Variants in PTPRN2 observed in about 807,000 individuals in gnomAD.
PTPRN2 encodes protein tyrosine phosphatase receptor type N2, also known as receptor-type tyrosine-protein phosphatase N2.
In PTPRN2, 74 loss-of-function variants were observed where a neutral mutation model predicts 118.8. That is an observed-to-expected ratio of 0.62 (90% CI 0.52 to 0.76). The LOEUF (loss-of-function observed/expected upper bound fraction) is 0.76, where lower values mean the gene tolerates loss of function less well. PTPRN2 is among the 30% of genes least tolerant of loss of function. The probability of loss-of-function intolerance (pLI) is 0.00; values close to 1 mark genes in which losing one functional copy is unlikely to be tolerated. For synonymous variants in PTPRN2, 641 were observed against 608.0 expected, an observed-to-expected ratio of 1.05 and a Z score of -0.80; for missense variants, 1,481 against 1,394.4, an observed-to-expected ratio of 1.06 and a Z score of -0.99.
At chr7:158,393,614 G>A (rs1812110632) in intron 2 of PTPRN2, among the ~76,000 whole-genome samples, 1 of 152,188 alleles carries the variant, frequency 6.6e-6, no homozygotes, top group Admixed American at 6.5e-5. Flanking sequence ...TTTTGGAAGT[G>A]GAAGTCATCT....
chr7:158,479,502 G>C (rs1000727719), intron 2 of PTPRN2, among the ~76,000 whole-genome samples: 7 of 152,196 alleles, frequency 4.6e-5, no homozygotes, highest in African/African-American at 1.7e-4. Context: ...AGCTCCTGCT[G>C]TGATCTGGGG....
chr7:158,071,407 A>T (rs1201367386), intron 11 of PTPRN2, among the ~76,000 whole-genome samples: 3 of 44,302 alleles, frequency 6.8e-5, no homozygotes, highest in Non-Finnish European at 1.3e-4. Context: ...CTCGTGGTGG[A>T]GTTGCTCCTG....
chr7:158,357,742 G>A (rs1346687332), intron 2 of PTPRN2, among the ~76,000 whole-genome samples: 2 of 152,234 alleles, frequency 1.3e-5, no homozygotes, highest in African/African-American at 4.8e-5. Context: ...ACCATTCCGG[G>A]GAGAAAGAAG....
At chr7:158,125,075 G>A (rs1189366245) in intron 9 of PTPRN2, among the ~76,000 whole-genome samples, 2 of 152,200 alleles carry the variant, frequency 1.3e-5, no homozygotes, top group Non-Finnish European at 2.9e-5. Flanking sequence ...AGGGAGCCGG[G>A]TGGGGCACAG....
intron 2 of PTPRN2, among the ~76,000 whole-genome samples, chr7:158,336,382 C>A (rs1334289348): frequency 1.4e-5 from 2 of 142,274 alleles, no homozygotes; most frequent in South Asian, 4.7e-4. Context: ...CTGACACATG[C>A]AGACGTCACT....
chr7:157,941,828 C>T lies in PTPRN2; in HGVS notation c.1724-43091G>A, dbSNP rs1292582346. On this transcript the variant is annotated intron_variant, in intron 11 of 22. Coordinates refer to ENST00000389418, the MANE Select transcript of PTPRN2 (RefSeq NM_002847.5). ...CCCAGAGGCCTCTGCCCACCTTCAC[C>T]ACCTAATCTCCATGCTCAAGCCTCA... Among the ~76,000 whole-genome samples the T allele has an allele frequency of 2.6e-5, 4 of 152,148 alleles. No homozygotes were observed. In the East Asian group the frequency reaches 7.7e-4, roughly 29 times the overall value.
rs754785802 is a variant in PTPRN2 at position 157,764,902 on chromosome 7, CCCAT to C, written c.1789-81969_1789-81966del. Among the ~76,000 whole-genome samples the C allele has an allele frequency of 2.2e-4, 33 of 151,392 alleles. 1 individual carries two copies. Among genetic ancestry groups the C allele is most frequent in the Non-Finnish European group, 3.4e-4 (23 of 67,760 alleles). ...CATCCTTCATCCACCCATCCATCTA[CCCAT>C]CCATCCATCCATTGATCCATCCATA... On this transcript the variant is annotated intron_variant, in intron 12 of 22. Coordinates refer to ENST00000389418, the MANE Select transcript of PTPRN2 (RefSeq NM_002847.5). This position sits in a 1 kb window ranked among gnomAD's most constrained non-coding sequence, Gnocchi z 4.5.
intron 11 of PTPRN2, among the ~76,000 whole-genome samples, chr7:157,943,560 C>A (rs1042719271): frequency 6.6e-6 from 1 of 151,984 alleles, no homozygotes; most frequent in African/African-American, 2.4e-5. Context: ...AAGACACCCA[C>A]CCCAGATGCC....
At chr7:158,164,848 G>A (rs529672455) in intron 6 of PTPRN2, among the ~76,000 whole-genome samples, 2 of 152,172 alleles carry the variant, frequency 1.3e-5, no homozygotes, top group Non-Finnish European at 2.9e-5. Flanking sequence ...GGGCAAGGAA[G>A]GCTGAGATGA....
In PTPRN2 at chr7:157,874,886, GAC is replaced by G. The variant is rs1367396773; in HGVS notation, c.1788+23785_1788+23786del. On this transcript the variant is annotated intron_variant, in intron 12 of 22. Coordinates refer to ENST00000389418, the MANE Select transcript of PTPRN2 (RefSeq NM_002847.5). This position sits in a 1 kb window ranked among gnomAD's most constrained non-coding sequence, Gnocchi z 5.8. The stretch of plus-strand genomic sequence containing the variant: ...ACACTCGTGCACATACACACACGGA[GAC>G]ACACTCGTGCACATACACACACACT... 8.6e-5 allele frequency among the ~76,000 whole-genome samples: 13 copies of G among 150,884 alleles called. No homozygotes were observed. The highest frequency in any genetic ancestry group is 2.4e-4 in the African/African-American group (10 of 41,042).
Position 158,503,955 on chromosome 7 carries a change from C to T in PTPRN2, c.113-14170G>A, listed in dbSNP as rs10229119. Among the ~76,000 whole-genome samples, 53 of 151,320 alleles carry T rather than the reference C, an allele frequency of 3.5e-4. 1 individual carries two copies. The highest frequency in any genetic ancestry group is 1.3e-3 in the African/African-American group (52 of 41,158). On this transcript the variant is annotated intron_variant, in intron 1 of 22. Coordinates refer to ENST00000389418, the MANE Select transcript of PTPRN2 (RefSeq NM_002847.5). ...GTCGGAGGTTGCAGTGAGCCACACT[C>T]CAGCCTGGGGGACAAGAGTGAGACT...
At chr7:158,166,361 A>G (rs55646019) in intron 6 of PTPRN2, among the ~76,000 whole-genome samples, 5 of 10,462 alleles carry the variant, frequency 4.8e-4, no homozygotes, top group Non-Finnish European at 1.1e-3. Flanking sequence ...TCCTCCTCCC[A>G]CTGGCCGCCG....
intron 9 of PTPRN2, among the ~76,000 whole-genome samples, chr7:158,130,278 C>T (rs935099184): frequency 1.4e-4 from 21 of 152,184 alleles, no homozygotes; most frequent in African/African-American, 5.1e-4. Flanking sequence ...GAATGATCCT[C>T]AAAATAAGAG....
chr7:158,045,542 C>T (rs10234599), intron 11 of PTPRN2, among the ~76,000 whole-genome samples: 1 of 151,954 alleles, frequency 6.6e-6, no homozygotes, highest in Admixed American at 6.6e-5. Flanking sequence ...AGGACGTGGG[C>T]GCAGCTGGCA....
chr7:158,026,572 T>C (rs1412914936), intron 11 of PTPRN2, among the ~76,000 whole-genome samples: 1 of 152,242 alleles, frequency 6.6e-6, no homozygotes, highest in Non-Finnish European at 1.5e-5. Flanking sequence ...TCTTACATAA[T>C]CATACACTAA....
In PTPRN2 at chr7:158,012,553, T is replaced by G. The variant is rs142714466; in HGVS notation, c.1723+68745A>C. Among the ~76,000 whole-genome samples, 1,216 of 152,336 alleles carry G rather than the reference T, an allele frequency of 8.0e-3. 15 individuals are homozygous for G. Among genetic ancestry groups the G allele is most frequent in the African/African-American group, 0.028 (1,169 of 41,578 alleles). ...GGAGGCATGGGCAGTGGCCCTGGAC[T>G]GCTGCCTCTGCTGGCACCAGCTCTT... On this transcript the variant is annotated intron_variant, in intron 11 of 22. Coordinates refer to ENST00000389418, the MANE Select transcript of PTPRN2 (RefSeq NM_002847.5).
In PTPRN2 at chr7:158,327,468, C is replaced by T. The variant is rs376160589; in HGVS notation, c.164-10536G>A. On this transcript the variant is annotated intron_variant, in intron 2 of 22. Coordinates refer to ENST00000389418, the MANE Select transcript of PTPRN2 (RefSeq NM_002847.5). ...GCACACACCTGCTCACACATGTACACGTTCTCACACATACATTCTCACATG... is the reference window on the plus strand; with the variant it reads ...GCACACACCTGCTCACACATGTACATGTTCTCACACATACATTCTCACATG... Among the ~76,000 whole-genome samples the T allele has an allele frequency of 5.0e-3, 672 of 133,682 alleles. 7 individuals carry two copies. Among genetic ancestry groups the T allele is most frequent in the African/African-American group, 0.015 (583 of 39,912 alleles). 87.7% of individuals were successfully genotyped at this position (133,682 alleles called of 152,430 possible).
intron 3 of PTPRN2, among the ~76,000 whole-genome samples, chr7:158,213,522 C>CCT (rs1456405931): frequency 6.6e-6 from 1 of 152,134 alleles, no homozygotes; most frequent in East Asian, 1.9e-4. Flanking sequence ...TGGAATATAT[C>CCT]ACTTAGAGTA....
chr7:158,091,297 A>G lies in PTPRN2; in HGVS notation c.1644-9920T>C, dbSNP rs1169596590. ...TAGATTCCCTTGACTTTTTGTGGAT[A>G]AAAAGAAGATAGCCAAGGCATATAT... On this transcript the variant is annotated intron_variant, in intron 10 of 22. Transcript: ENST00000389418. Among the ~76,000 whole-genome samples, 5 of 152,258 alleles carry G rather than the reference A, an allele frequency of 3.3e-5. No homozygotes were observed. The East Asian group carries it at 9.6e-4, about 29-fold the overall frequency.
Sources: allele counts gnomAD v4.1 joint callset (sites outside exome capture counted in the v4.1 genomes callset), GRCh38; gene constraint gnomAD v4.1.1; non-coding constraint Gnocchi (gnomAD v3.1); transcripts MANE v1.5; gene names NCBI Gene and HGNC (gene_info 2026-07-23, HGNC 2026-07-21).